The following SEMA5A variants were observed in gnomAD, a reference collection of about 807,000 sequenced individuals.
SEMA5A encodes semaphorin-5A.
SEMA5A carries 55 observed loss-of-function variants against 135.5 expected under a neutral mutation model. The ratio of observed to expected loss-of-function variants is 0.41; its 90% CI spans 0.33 to 0.51. The LOEUF (loss-of-function observed/expected upper bound fraction) is 0.51. SEMA5A is among the 20% of genes least tolerant of loss of function. The pLI is 0.37. For missense variants in SEMA5A, 1,290 were observed against 1,419.9 expected, an observed-to-expected ratio of 0.91 and a Z score of 1.47; for synonymous variants, 580 against 546.5, an observed-to-expected ratio of 1.06 and a Z score of -0.85.
chr5:9,501,383 A>T (rs1452169431), intron 1 of SEMA5A, among the ~76,000 whole-genome samples: 1 of 152,156 alleles, frequency 6.6e-6, no homozygotes, highest in Non-Finnish European at 1.5e-5. Context: ...ATATGTGTCT[A>T]CGTGTGTGTG....
At chr5:9,170,435 A>G (rs1256005057) in intron 11 of SEMA5A, among the ~76,000 whole-genome samples, 1 of 152,180 alleles carries the variant, frequency 6.6e-6, no homozygotes, top group South Asian at 2.1e-4. Flanking sequence ...ACATTAAAAA[A>G]TGAGAGACAG....
At chr5:9,079,642 A>G (rs773670589) in intron 16 of SEMA5A, among the ~76,000 whole-genome samples, 19 of 152,172 alleles carry the variant, frequency 1.2e-4, no homozygotes, top group Admixed American at 6.6e-4. Flanking sequence ...CAGTCTATCC[A>G]TCTGACAAAG....
At chr5:9,180,519 C>T (rs1386963855) in intron 11 of SEMA5A, among the ~76,000 whole-genome samples, 1 of 151,586 alleles carries the variant, frequency 6.6e-6, no homozygotes, top group Non-Finnish European at 1.5e-5. Flanking sequence ...AAAAAAAATT[C>T]CAACATGATA....
intron 1 of SEMA5A, among the ~76,000 whole-genome samples, chr5:9,527,214 G>T (rs1008175557): frequency 6.6e-6 from 1 of 152,054 alleles, no homozygotes; most frequent in African/African-American, 2.4e-5. Flanking sequence ...CCAGACCTAG[G>T]AGACCCCTCA....
intron 10 of SEMA5A, among the ~76,000 whole-genome samples, chr5:9,195,576 C>G (rs1226826817): frequency 6.6e-6 from 1 of 152,140 alleles, no homozygotes; most frequent in Admixed American, 6.5e-5. Context: ...TTATCCCTTT[C>G]CCCCTTTGTT....
chr5:9,142,305 T>C (rs1030625716), intron 12 of SEMA5A, among the ~76,000 whole-genome samples: 1 of 152,132 alleles, frequency 6.6e-6, no homozygotes, highest in African/African-American at 2.4e-5. Flanking sequence ...AGAACCTTTT[T>C]GCAGAGAGAT....
intron 4 of SEMA5A, among the ~76,000 whole-genome samples, chr5:9,336,146 C>T (rs1289969574): frequency 1.3e-5 from 2 of 152,020 alleles, no homozygotes; most frequent in Non-Finnish European, 2.9e-5. Context: ...TTGGTGGCAG[C>T]CAGTATTCCA....
intron 16 of SEMA5A, among the ~76,000 whole-genome samples, chr5:9,103,691 C>T (rs1366683347): frequency 6.6e-6 from 1 of 152,174 alleles, no homozygotes; most frequent in East Asian, 1.9e-4. Context: ...CTGACGCTGT[C>T]TTTGGCTCTG....
intron 16 of SEMA5A, among the ~76,000 whole-genome samples, chr5:9,088,142 A>G (rs1738806248): frequency 6.6e-6 from 1 of 152,056 alleles, no homozygotes; most frequent in African/African-American, 2.4e-5. Context: ...CCCCGTCTGC[A>G]CTAAAAATGC....
chr5:9,466,071 T>C (rs554577115), intron 1 of SEMA5A, among the ~76,000 whole-genome samples: 19 of 152,242 alleles, frequency 1.2e-4, no homozygotes, highest in African/African-American at 4.6e-4. Flanking sequence ...TCGAGGGTAA[T>C]GTCAAGCCAG....
intron 1 of SEMA5A, among the ~76,000 whole-genome samples, chr5:9,497,399 T>G (rs1735357872): frequency 6.6e-6 from 1 of 152,208 alleles, no homozygotes; most frequent in Admixed American, 6.5e-5. Flanking sequence ...TCAGACACAA[T>G]GGACTGGGGA....
chr5:9,089,081 T>A (rs1353375751), intron 16 of SEMA5A, among the ~76,000 whole-genome samples: 2 of 152,114 alleles, frequency 1.3e-5, no homozygotes, highest in Non-Finnish European at 2.9e-5. Flanking sequence ...TGTGCAGGGG[T>A]CTCCCTAACA....
In SEMA5A at chr5:9,507,112, G is replaced by A. The variant is rs1321547393; in HGVS notation, c.-175+38472C>T. Among the ~76,000 whole-genome samples, 2 of 152,108 alleles carry A rather than the reference G, an allele frequency of 1.3e-5. 1 individual carries two copies. The highest frequency in any genetic ancestry group is 6.3e-3 in the Middle Eastern group (2 of 316). On this transcript the variant is annotated intron_variant, in intron 1 of 22. Transcript: ENST00000382496. ...TAAAATAATTGTAATAAATGACATG[G>A]GTGTGTTTCATTGCAATTAGGTTTA...
At chr5:9,155,952 T>C (rs1220884880) in intron 11 of SEMA5A, among the ~76,000 whole-genome samples, 1 of 152,238 alleles carries the variant, frequency 6.6e-6, no homozygotes, top group Non-Finnish European at 1.5e-5. Flanking sequence ...TGGCAAACAA[T>C]TGCTTGCTTT....
chr5:9,540,433 C>CAAAAA (rs11398489), intron 1 of SEMA5A, among the ~76,000 whole-genome samples: 1 of 144,664 alleles, frequency 6.9e-6, no homozygotes, highest in African/African-American at 2.6e-5. Flanking sequence ...ACTAAAAATT[C>CAAAAA]AAAAAAAAAA....
intron 5 of SEMA5A, among the ~76,000 whole-genome samples, chr5:9,253,803 C>G (rs896390353): frequency 6.6e-6 from 1 of 152,154 alleles, no homozygotes; most frequent in Non-Finnish European, 1.5e-5. Flanking sequence ...TCTACACCAG[C>G]CTCTACTTTC....
chr5:9,143,420 C>T (rs1742170117), intron 12 of SEMA5A, among the ~76,000 whole-genome samples: 1 of 152,124 alleles, frequency 6.6e-6, no homozygotes, highest in African/African-American at 2.4e-5. Context: ...TAACACTGAT[C>T]AAATACAATG....
At chr5:9,058,366 A>T (rs1354085360) in intron 18 of SEMA5A, among the ~76,000 whole-genome samples, 1 of 152,082 alleles carries the variant, frequency 6.6e-6, no homozygotes, top group African/African-American at 2.4e-5. Context: ...AGGGCTTCCC[A>T]TAACTCCTCC....
intron 2 of SEMA5A, among the ~76,000 whole-genome samples, chr5:9,436,227 T>C (rs1429454812): frequency 1.3e-5 from 2 of 152,132 alleles, no homozygotes; most frequent in East Asian, 1.9e-4. Context: ...TAATAACTCT[T>C]CCTATCATAT....
Sources: gnomAD v4.1 joint callset for allele counts (sites outside exome capture counted in the v4.1 genomes callset) on GRCh38, gnomAD v4.1.1 for gene constraint, MANE v1.5 for transcripts, NCBI Gene and HGNC (gene_info 2026-07-23, HGNC 2026-07-21) for gene names.